OSGEPL1: variants seen among roughly 807,000 people sequenced by gnomAD.
The protein encoded by OSGEPL1 is O-sialoglycoprotein endopeptidase like 1.
A neutral mutation model predicts 37.2 loss-of-function variants in OSGEPL1; 26 were observed. The observed-to-expected ratio is 0.70, with a 90% CI of 0.51 to 0.97. The LOEUF (loss-of-function observed/expected upper bound fraction) is 0.97. Among genes scored for constraint, OSGEPL1 ranks in the 50% least tolerant of loss-of-function variants. The pLI is 0.00. For synonymous variants in OSGEPL1, 140 were observed against 159.9 expected (o/e 0.88, Z 0.94); for missense variants, 404 against 487.0 (o/e 0.83, Z 1.60).
intron 8 of OSGEPL1, 163 bp downstream of exon 8, chr2:189,750,387 A>G: frequency 7.3e-6 from 3 of 412,506 alleles, no homozygotes; most frequent in South Asian, 4.7e-5. Flanking sequence ...GAAAAAAACT[A>G]TCTTCCCTTG....
At chr2:189,753,811 A>AT in intron 5 of OSGEPL1, 105 bp downstream of exon 5, 1 of 1,207,520 alleles carries the variant, frequency 8.3e-7, no homozygotes, top group Non-Finnish European at 1.2e-6. Context: ...CAGGGCTAGC[A>AT]TAAGGCATAA....
At chr2:189,758,164 C>T (rs1175279910) in intron 2 of OSGEPL1, among the ~76,000 whole-genome samples, 1 of 152,126 alleles carries the variant, frequency 6.6e-6, no homozygotes, top group African/African-American at 2.4e-5. Context: ...GGGTGGATCA[C>T]TTGAGGTCGG....
chr2:189,754,279 C>G lies in OSGEPL1; in HGVS notation c.676G>C (p.Glu226Gln), dbSNP rs762541104. The part of the protein sequence containing the change: ...CSTMSGGKAI[E>Q]HLAKQGNRFH... ...CTATTTCCTTGTTTGGCCAAATGTT[C>G]TATGGCTTTCCCACCACTCATGGTG... Residue 226 changes from glutamate to glutamine, a missense_variant, in exon 4 of 9, where the codon GAA becomes CAA. By Grantham distance (29) the Glu-to-Gln change is conservative. Transcript: ENST00000264151. 22 of 1,613,658 alleles carry G rather than the reference C, an allele frequency of 1.4e-5. No individual in the cohort carries two copies. In the African/African-American group the frequency reaches 2.5e-4, roughly 19 times the overall value.
At chr2:189,755,877 T>G (rs1432761439) in intron 2 of OSGEPL1, among the ~76,000 whole-genome samples, 1 of 152,180 alleles carries the variant, frequency 6.6e-6, no homozygotes, top group East Asian at 1.9e-4. Flanking sequence ...AGGAAAAAAT[T>G]GTATTTAAGG....
Position 189,753,060 on chromosome 2 carries a change from AG to A in OSGEPL1, c.964-82del, listed in dbSNP as rs2045530617. 6.2e-6 allele frequency: 8 copies of A among 1,289,820 alleles called. No homozygotes were observed. The East Asian group carries it at 2.0e-4, about 32-fold the overall frequency. 79.9% of individuals were successfully genotyped at this position (1,289,820 alleles called of 1,614,324 possible). A position where few individuals can be genotyped will look rare whatever the true frequency, so the allele number is the denominator to read the frequency against. ...CTAATTAAACCTGGAGAAAAATATC[AG>A]CATTAAACAATAATAAACTATCCCA... On this transcript the variant is annotated intron_variant, in intron 5 of 8. Transcript: ENST00000264151.
rs960629736 is a variant in OSGEPL1, at chr2:189,761,119, G to T, written c.221+301C>A. ...ACAGTTTTCCTAGGACTTCAGCTGAGACCATGAAACATAGAAGTGGAGAAA... is the reference window on the plus strand; with the variant it reads ...ACAGTTTTCCTAGGACTTCAGCTGATACCATGAAACATAGAAGTGGAGAAA... On this transcript the variant is annotated intron_variant, in intron 2 of 8. Coordinates refer to ENST00000264151, the MANE Select transcript of OSGEPL1 (RefSeq NM_022353.3). 4 of 219,752 alleles carry T rather than the reference G, an allele frequency of 1.8e-5. 1 individual carries two copies. The highest frequency in any genetic ancestry group is 2.6e-5 in the Non-Finnish European group (3 of 114,056). 13.6% of individuals were successfully genotyped at this position (219,752 alleles called of 1,614,324 possible). A position where few individuals can be genotyped will look rare whatever the true frequency, so the allele number is the denominator to read the frequency against.
chr2:189,761,388 A>C, intron 2 of OSGEPL1, 32 bp downstream of exon 2: 1 of 1,560,890 alleles, frequency 6.4e-7, no homozygotes, highest in Non-Finnish European at 8.6e-7. Flanking sequence ...TTTTCCAAAA[A>C]AGTGGAAATG....
At chr2:189,762,841 T>C, upstream of OSGEPL1, 1 of 985,442 alleles carries the variant, frequency 1.0e-6, no homozygotes, top group Non-Finnish European at 1.2e-6. Context: ...GCTGTTCCGC[T>C]AGCGAGCGGC....
chr2:189,756,231 G>A (rs62184265), intron 2 of OSGEPL1, among the ~76,000 whole-genome samples: 16,439 of 152,208 alleles, frequency 0.11, 1,137 homozygotes, highest in Middle Eastern at 0.17. Flanking sequence ...GGAATCTGGT[G>A]CTCAGAGTTT....
intron 2 of OSGEPL1, among the ~76,000 whole-genome samples, chr2:189,758,475 T>C (rs1392730466): frequency 1.3e-5 from 2 of 152,148 alleles, no homozygotes; most frequent in African/African-American, 4.8e-5. Flanking sequence ...CCTTCCGCCA[T>C]GAGTAAAAGC....
chr2:189,762,261 A>G (rs1243966653), intron 1 of OSGEPL1, among the ~76,000 whole-genome samples: 2 of 152,190 alleles, frequency 1.3e-5, no homozygotes, highest in Non-Finnish European at 2.9e-5. Flanking sequence ...TTCCCCCAAA[A>G]TAATAGCAGC....
chr2:189,749,511 T>G (rs1416190266), intron 8 of OSGEPL1, among the ~76,000 whole-genome samples: 2 of 151,808 alleles, frequency 1.3e-5, no homozygotes, highest in East Asian at 3.9e-4. Context: ...AAAACAGTGA[T>G]AAGCTTATAA....
chr2:189,758,331 A>G (rs1054465642), intron 2 of OSGEPL1, among the ~76,000 whole-genome samples: 2 of 152,124 alleles, frequency 1.3e-5, no homozygotes, highest in African/African-American at 4.8e-5. Context: ...TGATGAGCCA[A>G]GATTGCACCA....
At chr2:189,753,090 T>C in intron 5 of OSGEPL1, 111 bp from the exon 6 acceptor site, 1 of 1,014,936 alleles carries the variant, frequency 9.9e-7, no homozygotes, top group Non-Finnish European at 1.4e-6. Flanking sequence ...TATCCCATTT[T>C]GAGATGGGTA....
chr2:189,761,361 A>G, intron 2 of OSGEPL1, 59 bp downstream of exon 2: 2 of 1,537,632 alleles, frequency 1.3e-6, no homozygotes, highest in Non-Finnish European at 1.7e-6. Flanking sequence ...TGACAAATAC[A>G]AAAGAATGAT....
At chr2:189,755,863 G>C (rs2045993098) in intron 2 of OSGEPL1, among the ~76,000 whole-genome samples, 1 of 152,132 alleles carries the variant, frequency 6.6e-6, no homozygotes, top group African/African-American at 2.4e-5. Context: ...AGCATGGGAA[G>C]GACAGGAAAA....
chr2:189,750,659 A>G lies in OSGEPL1; in HGVS notation c.1167-3T>C. The G allele has an allele frequency of 6.4e-7, 1 of 1,572,866 alleles. No individual in the cohort carries two copies. The highest frequency in any genetic ancestry group is 8.6e-7 in the Non-Finnish European group (1 of 1,160,398). On this transcript the variant is annotated splice_polypyrimidine_tract_variant and splice_region_variant and intron_variant, in intron 7 of 8. Coordinates refer to ENST00000264151, the MANE Select transcript of OSGEPL1 (RefSeq NM_022353.3). ...ATATGTCTACTCCAAGAGGACATCT[A>G]CATCATAAGCAGACAAATCGTATTA...
In OSGEPL1 at chr2:189,746,891, T is replaced by C; in HGVS notation, c.*306A>G. The C allele has an allele frequency of 3.9e-6, 1 of 257,386 alleles. No individual in the cohort carries two copies. Among genetic ancestry groups the C allele is most frequent in the Non-Finnish European group, 7.3e-6 (1 of 137,536 alleles). The allele number at this position is 257,386 out of a possible 1,614,324, so 15.9% of individuals were successfully genotyped here. The stretch of plus-strand genomic sequence containing the variant: ...TGACTGACATGAGTGGTATAACTAG[T>C]GTATATATCAAGAGTTAACATTTTT... On this transcript the variant is annotated 3_prime_UTR_variant, in exon 9 of 9. Transcript: ENST00000264151.
intron 8 of OSGEPL1, among the ~76,000 whole-genome samples, chr2:189,749,983 C>T (rs377696134): frequency 2.2e-4 from 33 of 152,116 alleles, no homozygotes; most frequent in African/African-American, 7.2e-4. Context: ...ATTAGCCAGA[C>T]GTGGTGGTGG....
Sources: gnomAD v4.1 joint callset for allele counts (sites outside exome capture counted in the v4.1 genomes callset) on GRCh38, gnomAD v4.1.1 for gene constraint, MANE v1.5 for transcripts, NCBI Gene and HGNC (gene_info 2026-07-23, HGNC 2026-07-21) for gene names.